Variants in SLC39A14 observed in about 807,000 individuals in gnomAD.
SLC39A14 encodes the protein solute carrier family 39 member 14.
A neutral mutation model predicts 45.5 loss-of-function variants in SLC39A14; 19 were observed. That is an observed-to-expected ratio of 0.42 (90% CI 0.29 to 0.61). The LOEUF (loss-of-function observed/expected upper bound fraction) is 0.61, where lower values mean the gene tolerates loss of function less well. Ranked by LOEUF, SLC39A14 falls within the 20% of genes least tolerant of loss-of-function variation. SLC39A14 has a pLI of 0.22. For synonymous variants in SLC39A14, 264 were observed against 251.3 expected (o/e 1.05, Z -0.48); for missense variants, 447 against 616.5 (o/e 0.73, Z 2.91).
chr8:22,420,814 C>T lies in SLC39A14; in HGVS notation c.*1116C>T, dbSNP rs947937739. 5.2e-5 allele frequency: 51 copies of T among 985,298 alleles called. No individual in the cohort carries two copies. The highest frequency in any genetic ancestry group is 6.1e-5 in the Non-Finnish European group (51 of 829,930). The allele number at this position is 985,298 out of a possible 1,614,324, so 61.0% of individuals were successfully genotyped here. On this transcript the variant is annotated 3_prime_UTR_variant, in exon 9 of 9. Coordinates refer to ENST00000381237, the MANE Select transcript of SLC39A14 (RefSeq NM_001128431.4). ...GTAAGGGCACAAACTTCACTTAGGG[C>T]ATCGCAGATGTTTGCAGAATGGTTG... is the stretch of plus-strand genomic sequence containing the variant.
chr8:22,410,042 G>A (rs749121126), intron 3 of SLC39A14: 12 of 1,613,988 alleles, frequency 7.4e-6, no homozygotes, highest in South Asian at 2.2e-5. Flanking sequence ...TTTTTCAGCC[G>A]TGTGCTCACT....
intron 3 of SLC39A14, 30 bp from the exon 4 acceptor site, chr8:22,412,002 CCCTGG>C (rs1835597646): frequency 1.3e-6 from 2 of 1,538,580 alleles, no homozygotes; most frequent in Admixed American, 2.0e-5. Context: ...TCTCTCCCTG[CCCTGG>C]GTGGGGCTGG....
chr8:22,427,093 G>C (rs1012464410), downstream of SLC39A14, among the ~76,000 whole-genome samples: 4 of 151,730 alleles, frequency 2.6e-5, no homozygotes, highest in African/African-American at 9.7e-5. Flanking sequence ...GGGAGTTTGA[G>C]ACCAGCCTGG....
At chr8:22,377,053 A>G (rs886722912) in intron 1 of SLC39A14, among the ~76,000 whole-genome samples, 2 of 152,124 alleles carry the variant, frequency 1.3e-5, no homozygotes, top group Non-Finnish European at 2.9e-5. Flanking sequence ...ATGTTTGACT[A>G]ATGATTCTCT....
chr8:22,406,797 C>T (rs1433487241), intron 2 of SLC39A14, among the ~76,000 whole-genome samples: 6 of 152,112 alleles, frequency 3.9e-5, no homozygotes, highest in African/African-American at 1.2e-4. Flanking sequence ...CGTGCCCCCG[C>T]GGGGTAATGC....
intron 1 of SLC39A14, among the ~76,000 whole-genome samples, chr8:22,400,526 T>C (rs1219912672): frequency 6.6e-6 from 1 of 152,208 alleles, no homozygotes; most frequent in Non-Finnish European, 1.5e-5. Context: ...TTTAGTCATT[T>C]TTGCCTAAGA....
At chr8:22,385,878 A>G (rs1410625059) in intron 1 of SLC39A14, among the ~76,000 whole-genome samples, 1 of 152,206 alleles carries the variant, frequency 6.6e-6, no homozygotes, top group African/African-American at 2.4e-5. Context: ...TTTATTCTTC[A>G]TATACTGGGA....
intron 1 of SLC39A14, among the ~76,000 whole-genome samples, chr8:22,399,271 G>C (rs1359699384): frequency 6.6e-6 from 1 of 152,218 alleles, no homozygotes. Context: ...GTCAACAGCT[G>C]TGTGTGTTTC....
intron 5 of SLC39A14, chr8:22,415,133 T>G (rs186529520): frequency 1.9e-6 from 1 of 514,274 alleles, no homozygotes; most frequent in Non-Finnish European, 3.4e-6. Flanking sequence ...AAGCAGTAGT[T>G]TATCCCCTTT....
At chr8:22,407,486 G>A (rs1033327950) in intron 2 of SLC39A14, among the ~76,000 whole-genome samples, 2 of 150,108 alleles carry the variant, frequency 1.3e-5, no homozygotes, top group Admixed American at 1.3e-4. Context: ...TCAGCCTCCC[G>A]AGTAGCTGGG....
Position 22,412,108 on chromosome 8 carries a change from T to C in SLC39A14, c.529T>C (p.Phe177Leu), listed in dbSNP as rs1490540583. 4.5e-6 allele frequency: 7 copies of C among 1,551,560 alleles called. No individual in the cohort carries two copies. Among genetic ancestry groups the C allele is most frequent in the Non-Finnish European group, 6.1e-6 (7 of 1,146,998 alleles). Reference sequence around the variant, plus strand: ...CCTCCTGGGGGCCAGCGTGGTGCCCTTCATGAAGAAGACCTTTTACAAGAG... The same window carrying C: ...CCTCCTGGGGGCCAGCGTGGTGCCCCTCATGAAGAAGACCTTTTACAAGAG... ...CSLLGASVVP[F>L]MKKTFYKRLL... Residue 177 changes from phenylalanine to leucine, a missense_variant, in exon 4 of 9, where the codon TTC becomes CTC. Coordinates refer to ENST00000381237, the MANE Select transcript of SLC39A14 (RefSeq NM_001128431.4).
chr8:22,375,571 C>T (rs905190707), intron 1 of SLC39A14, among the ~76,000 whole-genome samples: 4 of 152,002 alleles, frequency 2.6e-5, no homozygotes, highest in Non-Finnish European at 5.9e-5. Flanking sequence ...CTGCAACCTC[C>T]GCCTCCCAGG....
At chr8:22,404,233 G>A (rs1489099426) in intron 1 of SLC39A14, among the ~76,000 whole-genome samples, 1 of 152,062 alleles carries the variant, frequency 6.6e-6, no homozygotes, top group Non-Finnish European at 1.5e-5. Flanking sequence ...AGACCAGCCT[G>A]GCCAACATGA....
In SLC39A14 at chr8:22,420,882, A is replaced by T; in HGVS notation, c.*1184A>T. 1.0e-6 allele frequency: 1 copy of T among 985,612 alleles called. No homozygotes were observed. Among genetic ancestry groups the T allele is most frequent in the South Asian group, 4.7e-5 (1 of 21,290 alleles). The allele number at this position is 985,612 out of a possible 1,614,324, so 61.1% of individuals were successfully genotyped here. A position where few individuals can be genotyped will look rare whatever the true frequency, so the allele number is the denominator to read the frequency against. On this transcript the variant is annotated 3_prime_UTR_variant, in exon 9 of 9. Transcript: ENST00000381237. ...CAGATGGGTTTTAAATGACCCGTCT[A>T]GGTTACTGCTTCCTTGCAAAAAAAG...
chr8:22,415,607 T>C (rs1035473699), intron 5 of SLC39A14, 162 bp from the exon 6 acceptor site: 7 of 643,442 alleles, frequency 1.1e-5, no homozygotes, highest in Non-Finnish European at 1.6e-5. Flanking sequence ...TGGCTTTATA[T>C]AATAGCTTTT....
intron 4 of SLC39A14, among the ~76,000 whole-genome samples, chr8:22,413,545 C>G (rs1835703111): frequency 6.6e-6 from 1 of 152,110 alleles, no homozygotes; most frequent in Non-Finnish European, 1.5e-5. Context: ...AGTGTTGTTT[C>G]CCTGGAGGGT....
Position 22,420,057 on chromosome 8 carries a change from A to G in SLC39A14, c.*359A>G. ...GAATCCTTTACCCAACAATGCAAAA[A>G]TAGAGCCAATGGTTATAACTTGGCT... On this transcript the variant is annotated 3_prime_UTR_variant, in exon 9 of 9. Transcript: ENST00000381237. 1 of 1,008,698 alleles carries G rather than the reference A, an allele frequency of 9.9e-7. No individual in the cohort carries two copies. 62.5% of individuals were successfully genotyped at this position (1,008,698 alleles called of 1,614,324 possible).
At position 22,422,456 on chromosome 8, in the gene SLC39A14, G is replaced by A. The variant is rs911230870; in HGVS notation, c.*2758G>A. The A allele has an allele frequency of 2.0e-6, 2 of 985,734 alleles. No individual in the cohort carries two copies. The highest frequency in any genetic ancestry group is 3.5e-5 in the African/African-American group (2 of 57,232). The allele number at this position is 985,734 out of a possible 1,614,324, so 61.1% of individuals were successfully genotyped here. A position where few individuals can be genotyped will look rare whatever the true frequency, so the allele number is the denominator to read the frequency against. ...ATAGTAAGTCCTCTTCCAAAGAGAT[G>A]GCAATATGCTGGGCATCTACTTTAA... On this transcript the variant is annotated 3_prime_UTR_variant, in exon 9 of 9. Transcript: ENST00000381237.
Position 22,419,733 on chromosome 8 carries a change from G to A in SLC39A14, c.*35G>A. 6.5e-7 allele frequency: 1 copy of A among 1,534,664 alleles called. No homozygotes were observed. The highest frequency in any genetic ancestry group is 8.8e-7 in the Non-Finnish European group (1 of 1,142,488). On this transcript the variant is annotated 3_prime_UTR_variant, in exon 9 of 9. Coordinates refer to ENST00000381237, the MANE Select transcript of SLC39A14 (RefSeq NM_001128431.4). The stretch of plus-strand genomic sequence containing the variant: ...AAGAGCCTGTGGGACTGGAAGTCGG[G>A]CCCTGGGCTGCCCGATCGCCAGCCC...
Sources: gnomAD v4.1 joint callset for allele counts (sites outside exome capture counted in the v4.1 genomes callset) on GRCh38, gnomAD v4.1.1 for gene constraint, MANE v1.5 for transcripts, NCBI Gene and HGNC (gene_info 2026-07-23, HGNC 2026-07-21) for gene names.